The following SUMF2 variants were observed in gnomAD, a reference collection of about 807,000 sequenced individuals.
SUMF2 encodes sulfatase modifying factor 2.
In SUMF2, 45 loss-of-function variants were observed where a neutral mutation model predicts 44.8. That is an observed-to-expected ratio of 1.00 (90% CI 0.79 to 1.29). The LOEUF (loss-of-function observed/expected upper bound fraction) is 1.29, where lower values mean the gene tolerates loss of function less well. SUMF2 is among the 50% of genes most tolerant of loss of function. SUMF2 has a pLI of 0.00. For missense variants in SUMF2, 418 were observed against 389.9 expected (o/e 1.07, Z -0.61); for synonymous variants, 148 against 150.4 (o/e 0.98, Z 0.12).
At chr7:56,084,109 G>C, downstream of SUMF2, 1 of 1,121,184 alleles carries the variant, frequency 8.9e-7, no homozygotes, top group Non-Finnish European at 1.3e-6. Context: ...AGTGACCAGG[G>C]AAGCAATGGG....
chr7:56,083,295 G>C, downstream of SUMF2: 1 of 1,613,840 alleles, frequency 6.2e-7, no homozygotes, highest in Non-Finnish European at 8.5e-7. Flanking sequence ...CCTCTCTCCC[G>C]GCTCCAGCTG....
intron 2 of SUMF2, among the ~76,000 whole-genome samples, chr7:56,071,906 T>C (rs1316163630): frequency 6.6e-6 from 1 of 151,590 alleles, no homozygotes; most frequent in African/African-American, 2.4e-5. Context: ...AGTCAGGAGT[T>C]TGAGACCAGC....
intron 3 of SUMF2, 112 bp downstream of exon 3, chr7:56,073,223 G>A: frequency 1.2e-6 from 1 of 820,184 alleles, no homozygotes. Flanking sequence ...GAGAGGTGGA[G>A]GCAGAGGGGA....
intron 5 of SUMF2, among the ~76,000 whole-genome samples, chr7:56,075,597 G>T (rs1235073274): frequency 1.3e-5 from 2 of 151,554 alleles, no homozygotes; most frequent in African/African-American, 4.8e-5. Context: ...TACTTGGGAG[G>T]CTGAGGCAGG....
At chr7:56,066,630 G>T (rs1195909054) in intron 1 of SUMF2, among the ~76,000 whole-genome samples, 7 of 151,294 alleles carry the variant, frequency 4.6e-5, no homozygotes, top group Admixed American at 4.6e-4. Context: ...GGTTTTGTTT[G>T]TTTCTTTGAG....
At position 56,068,031 on chromosome 7, in the gene SUMF2, C is replaced by CT. The variant is rs565131237; in HGVS notation, c.68-430dup. Among the ~76,000 whole-genome samples the CT allele has an allele frequency of 2.8e-3, 306 of 110,340 alleles. 1 individual carries two copies. The highest frequency in any genetic ancestry group is 6.2e-3 in the East Asian group (23 of 3,730). The allele number at this position is 110,340 out of a possible 152,430, so 72.4% of individuals were successfully genotyped here. ...CAAAAGGAATTTTCTTTTTTTCTTTCTTTTTTTTTTTTTTTTTTTTTGAGA... is the reference window on the plus strand; with the variant it reads ...CAAAAGGAATTTTCTTTTTTTCTTTCTTTTTTTTTTTTTTTTTTTTTTGAGA... On this transcript the variant is annotated intron_variant, in intron 1 of 8. Transcript: ENST00000434526.
intron 1 of SUMF2, among the ~76,000 whole-genome samples, chr7:56,066,055 G>A (rs200514891): frequency 2.8e-5 from 4 of 141,288 alleles, no homozygotes; most frequent in African/African-American, 1.1e-4. Context: ...CACTCTGACC[G>A]GGACAACAGA....
chr7:56,068,026 T>A (rs1337967609), intron 1 of SUMF2, among the ~76,000 whole-genome samples: 8 of 133,328 alleles, frequency 6.0e-5, no homozygotes, highest in Non-Finnish European at 1.1e-4. Context: ...TTTCTTTTTT[T>A]CTTTCTTTTT....
chr7:56,083,964 T>G (rs370395407), downstream of SUMF2, among the ~76,000 whole-genome samples: 2 of 152,114 alleles, frequency 1.3e-5, no homozygotes, highest in East Asian at 3.9e-4. Context: ...CTCCGAGGAA[T>G]AGGCCTAGGT....
At chr7:56,080,826 T>G (rs12535872), downstream of SUMF2, 113,421 of 579,610 alleles carry the variant, frequency 0.2, 12,199 homozygotes, top group Middle Eastern at 0.26. Flanking sequence ...GTGTGATCTC[T>G]GCCCACCCAG....
chr7:56,065,004 A>G (rs1794667557), intron 1 of SUMF2, among the ~76,000 whole-genome samples: 1 of 150,852 alleles, frequency 6.6e-6, no homozygotes, highest in Admixed American at 6.6e-5. Context: ...CATCCTGGCT[A>G]ACACAGTGAA....
chr7:56,065,744 C>T (rs1228762939), intron 1 of SUMF2, among the ~76,000 whole-genome samples: 2 of 152,024 alleles, frequency 1.3e-5, no homozygotes, highest in Non-Finnish European at 2.9e-5. Flanking sequence ...TAAGCCACCA[C>T]GCCAGGATGA....
downstream of SUMF2, chr7:56,083,391 T>C: frequency 6.2e-7 from 1 of 1,614,174 alleles, no homozygotes. Flanking sequence ...GTGCACGATG[T>C]TGAGTTTGTG....
downstream of SUMF2, chr7:56,083,573 G>T: frequency 6.7e-7 from 1 of 1,490,998 alleles, no homozygotes; most frequent in Non-Finnish European, 9.3e-7. Context: ...TGCACGCCCT[G>T]CCTCCCCTGA....
chr7:56,068,477 TGCAGGA>T lies in SUMF2; in HGVS notation c.68-4_69del. 2 of 1,598,140 alleles carry T rather than the reference TGCAGGA, an allele frequency of 1.3e-6. No individual in the cohort carries two copies. Among genetic ancestry groups the T allele is most frequent in the South Asian group, 1.1e-5 (1 of 87,478 alleles). On this transcript the variant is annotated splice_acceptor_variant and splice_polypyrimidine_tract_variant and coding_sequence_variant and intron_variant, in exon 2 of 9. Coordinates refer to ENST00000434526, the MANE Select transcript of SUMF2 (RefSeq NM_015411.4). LOFTEE classifies it high-confidence loss of function. ...ATTACTGGTAACTCTCTTTTTTCTC[TGCAGGA>T]AATGGACAGGCTACTAGCATGGTCC...
At chr7:56,077,982 C>T in intron 6 of SUMF2, 120 bp from the exon 7 acceptor site, 1 of 788,594 alleles carries the variant, frequency 1.3e-6, no homozygotes, top group Non-Finnish European at 2.1e-6. Flanking sequence ...AGGTCACCGC[C>T]CCGTGCCCTT....
downstream of SUMF2, chr7:56,083,434 T>A: frequency 2.5e-6 from 4 of 1,613,852 alleles, no homozygotes. Context: ...AGAGCTCGCA[T>A]GATCTTTCTA....
chr7:56,069,453 A>G (rs994620276), intron 2 of SUMF2, among the ~76,000 whole-genome samples: 2 of 151,968 alleles, frequency 1.3e-5, no homozygotes, highest in African/African-American at 4.8e-5. Flanking sequence ...AAATAAATAA[A>G]TAAGTAAATA....
chr7:56,078,956 G>A (rs1316945721), intron 8 of SUMF2: 3 of 579,458 alleles, frequency 5.2e-6, no homozygotes, highest in African/African-American at 1.9e-5. Context: ...GAGTGCAGTG[G>A]CACAGTCTCA....
Sources: gnomAD v4.1 joint callset for allele counts (sites outside exome capture counted in the v4.1 genomes callset) on GRCh38, gnomAD v4.1.1 for gene constraint, MANE v1.5 for transcripts, NCBI Gene and HGNC (gene_info 2026-07-23, HGNC 2026-07-21) for gene names.